The following SUSD4 variants were observed in gnomAD, a reference collection of about 807,000 sequenced individuals.
SUSD4 encodes sushi domain-containing protein 4.
In SUSD4, 41 loss-of-function variants were observed where a neutral mutation model predicts 50.5. That is an observed-to-expected ratio of 0.81 (90% CI 0.63 to 1.05). The LOEUF (loss-of-function observed/expected upper bound fraction) is 1.05. Among genes scored for constraint, SUSD4 ranks in the 50% least tolerant of loss-of-function variants. The pLI is 0.00. For synonymous variants in SUSD4, 257 were observed against 257.3 expected (o/e 1.00, Z 0.01); for missense variants, 580 against 634.7 (o/e 0.91, Z 0.93).
At chr1:223,230,114 A>G (rs1659794096) in intron 5 of SUSD4, among the ~76,000 whole-genome samples, 1 of 152,144 alleles carries the variant, frequency 6.6e-6, no homozygotes, top group African/African-American at 2.4e-5. Context: ...CGAATATCCC[A>G]TCATGTTAGG....
intron 5 of SUSD4, among the ~76,000 whole-genome samples, chr1:223,255,850 T>C (rs931950807): frequency 4.6e-5 from 7 of 152,300 alleles, no homozygotes; most frequent in African/African-American, 1.7e-4. Context: ...TGCAGGGAGC[T>C]TGAGGGCCCA....
chr1:223,350,166 C>T (rs948608696), intron 2 of SUSD4, among the ~76,000 whole-genome samples: 3 of 152,212 alleles, frequency 2.0e-5, no homozygotes, highest in Non-Finnish European at 4.4e-5. Context: ...TAATTTCCAT[C>T]GTTTAAGTCA....
At chr1:223,299,849 T>C (rs1347323425) in intron 2 of SUSD4, among the ~76,000 whole-genome samples, 4 of 152,144 alleles carry the variant, frequency 2.6e-5, no homozygotes, top group Non-Finnish European at 2.9e-5. Context: ...AATTACATCA[T>C]TGGCTCTCCT....
intron 5 of SUSD4, among the ~76,000 whole-genome samples, chr1:223,259,139 T>G (rs898355621): frequency 7.9e-5 from 12 of 152,232 alleles, no homozygotes; most frequent in African/African-American, 2.9e-4. Context: ...CTGTTTGCAC[T>G]GGACCTTGCA....
At chr1:223,322,214 C>G (rs1199027185) in intron 2 of SUSD4, among the ~76,000 whole-genome samples, 1 of 152,318 alleles carries the variant, frequency 6.6e-6, no homozygotes, top group East Asian at 1.9e-4. Flanking sequence ...GTGACAGAGT[C>G]ACAGGTACTG....
At chr1:223,264,497 G>A (rs1358085328) in intron 5 of SUSD4, 133 bp downstream of exon 5, 60 of 1,434,136 alleles carry the variant, frequency 4.2e-5, no homozygotes, top group Middle Eastern at 2.4e-4. Flanking sequence ...CTCTGCTCTG[G>A]AGAAAAGTGA....
At chr1:223,296,999 C>T (rs1041282102) in intron 2 of SUSD4, among the ~76,000 whole-genome samples, 57 of 152,138 alleles carry the variant, frequency 3.7e-4, no homozygotes. Context: ...ATGGAAAATC[C>T]AGGACCATCA....
intron 5 of SUSD4, chr1:223,234,874 G>A: frequency 6.7e-7 from 1 of 1,482,312 alleles, no homozygotes; most frequent in Non-Finnish European, 8.9e-7. Flanking sequence ...TAACAGGTGT[G>A]CAGATCATGG....
intron 5 of SUSD4, among the ~76,000 whole-genome samples, chr1:223,252,419 T>C (rs893893998): frequency 6.6e-6 from 1 of 151,528 alleles, no homozygotes; most frequent in African/African-American, 2.4e-5. Context: ...TGGGGATCGT[T>C]ATGCTCCAGG....
intron 5 of SUSD4, among the ~76,000 whole-genome samples, chr1:223,258,592 C>T (rs1025297835): frequency 1.3e-5 from 2 of 151,922 alleles, no homozygotes; most frequent in African/African-American, 2.4e-5. Flanking sequence ...TTCAGATGTT[C>T]GGCTTCCAAG....
intron 3 of SUSD4, among the ~76,000 whole-genome samples, chr1:223,278,340 C>T (rs1380216921): frequency 1.3e-5 from 2 of 152,126 alleles, no homozygotes; most frequent in African/African-American, 4.8e-5. Flanking sequence ...ACAGATGGCA[C>T]CTGGAAAATT....
chr1:223,242,463 C>T (rs73122205), intron 5 of SUSD4, among the ~76,000 whole-genome samples: 2,230 of 152,234 alleles, frequency 0.015, 55 homozygotes, highest in African/African-American at 0.049. Context: ...TTGGAACAAC[C>T]CCAACTCCTC....
chr1:223,346,997 T>G (rs1208349217), intron 2 of SUSD4, among the ~76,000 whole-genome samples: 1 of 152,208 alleles, frequency 6.6e-6, no homozygotes, highest in East Asian at 1.9e-4. Context: ...TTTTTTTTCA[T>G]TCAACAAATG....
intron 3 of SUSD4, among the ~76,000 whole-genome samples, chr1:223,291,376 C>A (rs1375544959): frequency 6.7e-6 from 1 of 149,184 alleles, no homozygotes; most frequent in African/African-American, 2.5e-5. Context: ...GCAGGTAGTC[C>A]CAACTACTTG....
At position 223,251,596 on chromosome 1, in the gene SUSD4, G is replaced by A. The variant is rs527980430; in HGVS notation, c.724+13034C>T. Among the ~76,000 whole-genome samples the A allele has an allele frequency of 2.6e-5, 4 of 152,274 alleles. No homozygotes were observed. The South Asian group carries it at 6.2e-4, about 24-fold the overall frequency. On this transcript the variant is annotated intron_variant, in intron 5 of 8. Transcript: ENST00000366878. ...AGGACATGAACTCATCATTTTTTAT[G>A]GCTGCATAGTATTTCATGGTGTATA... is the stretch of plus-strand genomic sequence containing the variant.
chr1:223,282,821 G>A (rs1418673161), intron 3 of SUSD4, among the ~76,000 whole-genome samples: 3 of 152,092 alleles, frequency 2.0e-5, no homozygotes, highest in Admixed American at 6.6e-5. Context: ...GAGGCATCAC[G>A]CTACCTGACT....
At chr1:223,266,777 G>A (rs1243570713) in intron 4 of SUSD4, among the ~76,000 whole-genome samples, 1 of 152,166 alleles carries the variant, frequency 6.6e-6, no homozygotes, top group Non-Finnish European at 1.5e-5. Context: ...TCACTCTTAG[G>A]GCCAATTACA....
chr1:223,268,802 T>C (rs1662706766), intron 3 of SUSD4, 127 bp from the exon 4 acceptor site: 2 of 949,064 alleles, frequency 2.1e-6, no homozygotes, highest in Admixed American at 5.6e-5. Context: ...AAATGGTACC[T>C]CATTTGTCAC....
At position 223,221,311 on chromosome 1, in the gene SUSD4, G is replaced by T; in HGVS notation, c.*881C>A. 1 of 391,560 alleles carries T rather than the reference G, an allele frequency of 2.6e-6. No homozygotes were observed. Among genetic ancestry groups the T allele is most frequent in the Non-Finnish European group, 4.5e-6 (1 of 222,154 alleles). The allele number at this position is 391,560 out of a possible 1,614,324, so 24.3% of individuals were successfully genotyped here. A position where few individuals can be genotyped will look rare whatever the true frequency, so the allele number is the denominator to read the frequency against. Reference sequence around the variant, plus strand: ...AATTGTCAACTAGAGAGAGGCTCATGATTCTGAGATAAATGTTAAGTGGAG... The same window carrying T: ...AATTGTCAACTAGAGAGAGGCTCATTATTCTGAGATAAATGTTAAGTGGAG... On this transcript the variant is annotated 3_prime_UTR_variant, in exon 9 of 9. Coordinates refer to ENST00000366878, the MANE Select transcript of SUSD4 (RefSeq NM_017982.4).
Sources: gnomAD v4.1 joint callset for allele counts (sites outside exome capture counted in the v4.1 genomes callset) on GRCh38, gnomAD v4.1.1 for gene constraint, MANE v1.5 for transcripts, NCBI Gene and HGNC (gene_info 2026-07-23, HGNC 2026-07-21) for gene names.